Variants in SLC67A2 observed in about 807,000 individuals in gnomAD.
SLC67A2 encodes solute carrier family 67 member A2.
the SLC67A2 span, chr2:102,717,196 AT>A: frequency 0.22 from 32,567 of 149,750 alleles, 4,053 homozygotes; most frequent in Middle Eastern, 0.29. Flanking sequence ...CGCCCGGCTA[AT>A]TTTTTTTTTG....
At chr2:102,717,251 T>A in the SLC67A2 span, 1 of 151,946 alleles carries the variant, frequency 6.6e-6, no homozygotes, top group Non-Finnish European at 1.5e-5. Flanking sequence ...GCCAGAATGG[T>A]CTCCATCTCC....
the SLC67A2 span, among the ~76,000 whole-genome samples, chr2:102,725,612 G>A: frequency 7.2e-4 from 110 of 152,276 alleles, no homozygotes; most frequent in African/African-American, 2.4e-3. Context: ...CTTGGATTTT[G>A]TGTGGTACTG....
the SLC67A2 span, among the ~76,000 whole-genome samples, chr2:102,724,180 C>T: frequency 6.6e-6 from 1 of 152,146 alleles, no homozygotes; most frequent in Non-Finnish European, 1.5e-5. Flanking sequence ...AGTCCCTTAA[C>T]CCTCAGCTTG....
At chr2:102,725,561 GACAATAAAC>G in the SLC67A2 span, among the ~76,000 whole-genome samples, 33 of 152,238 alleles carry the variant, frequency 2.2e-4, no homozygotes, top group Admixed American at 1.0e-3. Flanking sequence ...GCCCACCAAA[GACAATAAAC>G]TCAACACCAG....
At chr2:102,729,231 AAAC>A in the SLC67A2 span, among the ~76,000 whole-genome samples, 1 of 152,328 alleles carries the variant, frequency 6.6e-6, no homozygotes, top group East Asian at 1.9e-4. Context: ...TACAAACATA[AAAC>A]AACAAAGGAA....
chr2:102,732,444 G>C, the SLC67A2 span: 2 of 1,530,700 alleles, frequency 1.3e-6, no homozygotes, highest in African/African-American at 1.4e-5. Context: ...ACTCAAATTA[G>C]TATTTTTCAA....
At chr2:102,731,652 C>T in the SLC67A2 span, among the ~76,000 whole-genome samples, 8 of 152,138 alleles carry the variant, frequency 5.3e-5, no homozygotes, top group Non-Finnish European at 1.2e-4. Flanking sequence ...GAGGGAAATA[C>T]AAATCACGGC....
chr2:102,726,985 T>C, the SLC67A2 span: 1 of 1,610,408 alleles, frequency 6.2e-7, no homozygotes, highest in Non-Finnish European at 8.5e-7. Flanking sequence ...CTGAGGAAAG[T>C]AAGAAAAAGC....
the SLC67A2 span, among the ~76,000 whole-genome samples, chr2:102,734,086 A>G: frequency 1.7e-4 from 26 of 152,202 alleles, no homozygotes; most frequent in Non-Finnish European, 3.7e-4. Flanking sequence ...GGTCATGTGC[A>G]TGTAACCACT....
the SLC67A2 span, among the ~76,000 whole-genome samples, chr2:102,719,596 C>T: frequency 6.6e-6 from 1 of 152,228 alleles, no homozygotes; most frequent in Non-Finnish European, 1.5e-5. Flanking sequence ...ATCCATCCAT[C>T]TATCCAACCA....
At chr2:102,726,549 T>C in the SLC67A2 span, among the ~76,000 whole-genome samples, 1 of 151,900 alleles carries the variant, frequency 6.6e-6, no homozygotes, top group Non-Finnish European at 1.5e-5. Context: ...TTTAGGTAAG[T>C]GCTAATCAAA....
chr2:102,736,627 C>T, the SLC67A2 span: 4 of 1,613,722 alleles, frequency 2.5e-6, no homozygotes, highest in Admixed American at 1.7e-5. Context: ...TTGCTCCCAG[C>T]CCCCACGCTC....
the SLC67A2 span, among the ~76,000 whole-genome samples, chr2:102,734,145 C>A: frequency 2.0e-5 from 3 of 152,140 alleles, no homozygotes; most frequent in Admixed American, 6.5e-5. Flanking sequence ...CACTGAATAT[C>A]AACATTTTTC....
the SLC67A2 span, chr2:102,718,971 G>A: frequency 1.2e-4 from 187 of 1,614,204 alleles, no homozygotes; most frequent in Non-Finnish European, 1.4e-4. Flanking sequence ...ATCAGCAAGC[G>A]CACCAGAAAT....
chr2:102,736,670 G>A, the SLC67A2 span: 9 of 1,613,878 alleles, frequency 5.6e-6, no homozygotes, highest in African/African-American at 6.7e-5. Context: ...AGTAGAGACA[G>A]AGCAGGAAGC....
chr2:102,722,079 A>G, the SLC67A2 span, among the ~76,000 whole-genome samples: 31 of 152,236 alleles, frequency 2.0e-4, no homozygotes, highest in Non-Finnish European at 3.7e-4. Flanking sequence ...GAGTCTGCCT[A>G]CTGATTTGGG....
At chr2:102,722,050 C>T in the SLC67A2 span, among the ~76,000 whole-genome samples, 1 of 152,214 alleles carries the variant, frequency 6.6e-6, no homozygotes, top group Non-Finnish European at 1.5e-5. Flanking sequence ...GTAAATCTGA[C>T]AAAATCTCTT....
At chr2:102,720,836 A>C in the SLC67A2 span, among the ~76,000 whole-genome samples, 83 of 152,332 alleles carry the variant, frequency 5.4e-4, no homozygotes, top group East Asian at 0.015. Context: ...AAGCTAACGG[A>C]GTAAAAGCGT....
the SLC67A2 span, among the ~76,000 whole-genome samples, chr2:102,728,917 G>A: frequency 6.6e-6 from 1 of 152,110 alleles, no homozygotes; most frequent in African/African-American, 2.4e-5. Context: ...GTTATTATAA[G>A]GATTAGAGGA....
Sources: allele counts gnomAD v4.1 joint callset (sites outside exome capture counted in the v4.1 genomes callset), GRCh38; gene constraint gnomAD v4.1.1; transcripts MANE v1.5; gene names NCBI Gene and HGNC (gene_info 2026-07-23, HGNC 2026-07-21).